TBC1D22A: variants seen among roughly 807,000 people sequenced by gnomAD.
TBC1D22A encodes the protein TBC1 domain family member 22A.
In TBC1D22A, 38 loss-of-function variants were observed where a neutral mutation model predicts 60.2. That is an observed-to-expected ratio of 0.63 (90% CI 0.49 to 0.83). The LOEUF (loss-of-function observed/expected upper bound fraction) is 0.83. TBC1D22A is among the 40% of genes least tolerant of loss of function. The pLI is 0.00. For synonymous variants in TBC1D22A, 302 were observed against 281.7 expected, an observed-to-expected ratio of 1.07 and a Z score of -0.72; for missense variants, 628 against 701.0, an observed-to-expected ratio of 0.90 and a Z score of 1.18.
At chr22:46,823,770 T>C (rs1317943580) in intron 4 of TBC1D22A, among the ~76,000 whole-genome samples, 3 of 152,230 alleles carry the variant, frequency 2.0e-5, no homozygotes, top group Non-Finnish European at 4.4e-5. Flanking sequence ...TTTAATCAGC[T>C]CACAGCACTT....
At chr22:46,797,330 G>A (rs2084697194) in intron 3 of TBC1D22A, 114 bp from the exon 4 acceptor site, 2 of 1,174,164 alleles carry the variant, frequency 1.7e-6, no homozygotes, top group Admixed American at 4.4e-5. Flanking sequence ...CCACTGCTGA[G>A]TGATGGGAAG....
At chr22:46,840,714 C>T (rs1422536382) in intron 4 of TBC1D22A, among the ~76,000 whole-genome samples, 3 of 148,936 alleles carry the variant, frequency 2.0e-5, no homozygotes, top group Non-Finnish European at 4.4e-5. Context: ...GCCTGGGTGG[C>T]AGAGCGAGAC....
At chr22:46,818,218 A>G (rs374163032) in intron 4 of TBC1D22A, among the ~76,000 whole-genome samples, 1 of 152,128 alleles carries the variant, frequency 6.6e-6, no homozygotes, top group African/African-American at 2.4e-5. Flanking sequence ...TTTTGATGAT[A>G]GTTTCTTTTG....
chr22:47,037,216 C>A lies in TBC1D22A; in HGVS notation c.1329+18C>A. Reference sequence around the variant, plus strand: ...CCTACCAGGTGAGCTCTCCTTCGCACCCTCCGCCATGGGGGTGCCAGGAGC... The same window carrying A: ...CCTACCAGGTGAGCTCTCCTTCGCAACCTCCGCCATGGGGGTGCCAGGAGC... On this transcript the variant is annotated intron_variant, in intron 11 of 12. Coordinates refer to ENST00000337137, the MANE Select transcript of TBC1D22A (RefSeq NM_014346.5). 6.2e-7 allele frequency: 1 copy of A among 1,611,980 alleles called. No individual in the cohort carries two copies. The highest frequency in any genetic ancestry group is 8.5e-7 in the Non-Finnish European group (1 of 1,179,178).
chr22:47,041,863 G>A (rs948610542), intron 11 of TBC1D22A, among the ~76,000 whole-genome samples: 13 of 152,210 alleles, frequency 8.5e-5, no homozygotes, highest in African/African-American at 2.7e-4. Context: ...CGTGGACAGC[G>A]GGCGTGGCCG....
At chr22:46,943,931 G>A (rs143870461) in intron 8 of TBC1D22A, among the ~76,000 whole-genome samples, 18 of 152,254 alleles carry the variant, frequency 1.2e-4, no homozygotes, top group African/African-American at 4.3e-4. Flanking sequence ...TATAGACCAC[G>A]TCTTGTTTAT....
At chr22:46,810,442 CAA>C (rs1164536934) in intron 4 of TBC1D22A, among the ~76,000 whole-genome samples, 3 of 119,830 alleles carry the variant, frequency 2.5e-5, no homozygotes, top group African/African-American at 8.8e-5. Context: ...TTTTCTCACT[CAA>C]AAAAAAAAAA....
rs2087873368 is a variant in TBC1D22A at position 46,861,324 on chromosome 22, TTTTAA to T, written c.638-17325_638-17321del. On this transcript the variant is annotated intron_variant, in intron 4 of 12. Coordinates refer to ENST00000337137, the MANE Select transcript of TBC1D22A (RefSeq NM_014346.5). ...GTTTCTAGAATAAAATGTGTCTCTA[TTTTAA>T]TTTTTCATTCCTTTTAAAACATTCA... 3.9e-5 allele frequency among the ~76,000 whole-genome samples: 6 copies of T among 152,338 alleles called. No homozygotes were observed. The South Asian group carries it at 1.2e-3, about 32-fold the overall frequency.
At chr22:47,051,591 A>G (rs2001059) in intron 11 of TBC1D22A, among the ~76,000 whole-genome samples, 57,775 of 151,984 alleles carry the variant, frequency 0.38, 11,618 homozygotes, top group East Asian at 0.57. Context: ...TGGGCCAGCC[A>G]TGCTTTTCAG....
chr22:46,783,153 A>G (rs2084012774), intron 1 of TBC1D22A, among the ~76,000 whole-genome samples: 1 of 152,098 alleles, frequency 6.6e-6, no homozygotes, highest in Admixed American at 6.6e-5. Context: ...GCTGGGTGTG[A>G]AGTGGTATCC....
intron 10 of TBC1D22A, among the ~76,000 whole-genome samples, chr22:47,033,812 C>T (rs966508175): frequency 2.0e-5 from 3 of 152,224 alleles, no homozygotes; most frequent in South Asian, 2.1e-4. Flanking sequence ...CTGGTGCCAC[C>T]GCAGGAGGCA....
In TBC1D22A at chr22:47,037,244, G is replaced by A. The variant is rs114037328; in HGVS notation, c.1329+46G>A. 1,013 of 1,605,846 alleles carry A rather than the reference G, an allele frequency of 6.3e-4. 11 individuals are homozygous for A. In the African/African-American group the frequency reaches 0.012, roughly 19 times the overall value. ...TCCGCCATGGGGGTGCCAGGAGCCC[G>A]GGCCGTTTCCTGTCGCCTTCTGCCC... On this transcript the variant is annotated intron_variant, in intron 11 of 12. Transcript: ENST00000337137.
intron 1 of TBC1D22A, among the ~76,000 whole-genome samples, chr22:46,776,856 A>G (rs1470752762): frequency 2.6e-5 from 4 of 152,052 alleles, no homozygotes; most frequent in Non-Finnish European, 5.9e-5. Flanking sequence ...CACAGGCCTC[A>G]TAGGACCTGA....
At chr22:47,005,396 G>C (rs544940216) in intron 10 of TBC1D22A, among the ~76,000 whole-genome samples, 1 of 148,614 alleles carries the variant, frequency 6.7e-6, no homozygotes, top group Non-Finnish European at 1.5e-5. Flanking sequence ...CCCTATGCAC[G>C]CACCAATACA....
intron 6 of TBC1D22A, among the ~76,000 whole-genome samples, chr22:46,892,827 A>C (rs193156854): frequency 6.6e-6 from 1 of 152,338 alleles, no homozygotes; most frequent in East Asian, 1.9e-4. Flanking sequence ...AGTTACTGTG[A>C]TAGGTAATAA....
At chr22:47,070,137 G>A (rs2063925191) in intron 11 of TBC1D22A, among the ~76,000 whole-genome samples, 1 of 144,652 alleles carries the variant, frequency 6.9e-6, no homozygotes, top group South Asian at 2.2e-4. Flanking sequence ...ACTGTTCCCT[G>A]TTGTTTGGTT....
intron 5 of TBC1D22A, among the ~76,000 whole-genome samples, chr22:46,890,258 A>T (rs992559361): frequency 3.3e-5 from 5 of 152,074 alleles, no homozygotes; most frequent in Admixed American, 3.3e-4. Flanking sequence ...AGATCACTTG[A>T]ACCCGTGAGG....
chr22:47,150,281 G>A (rs1601681604), intron 12 of TBC1D22A, among the ~76,000 whole-genome samples: 1 of 152,170 alleles, frequency 6.6e-6, no homozygotes, highest in East Asian at 1.9e-4. Flanking sequence ...AGATTTGGAG[G>A]GCACTGGGGA....
chr22:47,158,769 T>A (rs113158681), intron 12 of TBC1D22A, among the ~76,000 whole-genome samples: 25 of 152,206 alleles, frequency 1.6e-4, no homozygotes, highest in African/African-American at 5.8e-4. Context: ...GCATCATTGG[T>A]GTCACCATCC....
Sources: allele counts gnomAD v4.1 joint callset (sites outside exome capture counted in the v4.1 genomes callset), GRCh38; gene constraint gnomAD v4.1.1; transcripts MANE v1.5; gene names NCBI Gene and HGNC (gene_info 2026-07-23, HGNC 2026-07-21).